The following ZBTB20 variants were observed in gnomAD, a reference collection of about 807,000 sequenced individuals.
The protein encoded by ZBTB20 is zinc finger and BTB domain containing 20, also known as zinc finger and BTB domain-containing protein 20.
In ZBTB20, 9 loss-of-function variants were observed where a neutral mutation model predicts 56.9. That is an observed-to-expected ratio of 0.16 (90% CI 0.10 to 0.28). The LOEUF (loss-of-function observed/expected upper bound fraction) is 0.28. Ranked by LOEUF, ZBTB20 falls within the 10% of genes least tolerant of loss-of-function variation. The probability of loss-of-function intolerance (pLI) is 1.00; values close to 1 mark genes in which losing one functional copy is unlikely to be tolerated. For synonymous variants in ZBTB20, 417 were observed against 420.7 expected (o/e 0.99, Z 0.11); for missense variants, 655 against 1,003.0 (o/e 0.65, Z 4.69).
intron 2 of ZBTB20, among the ~76,000 whole-genome samples, chr3:115,030,012 T>C (rs971073730): frequency 2.6e-5 from 4 of 151,080 alleles, no homozygotes; most frequent in African/African-American, 9.7e-5. Flanking sequence ...GAGTATCATA[T>C]AGCAGCTGAA....
intron 5 of ZBTB20, among the ~76,000 whole-genome samples, chr3:114,748,849 A>AG (rs1328119361): frequency 6.6e-6 from 1 of 152,206 alleles, no homozygotes; most frequent in Admixed American, 6.5e-5. Context: ...ATGCCTCATA[A>AG]GATAAACATA....
At chr3:114,719,756 T>C (rs1217207181) in intron 5 of ZBTB20, among the ~76,000 whole-genome samples, 1 of 152,146 alleles carries the variant, frequency 6.6e-6, no homozygotes, top group Non-Finnish European at 1.5e-5. Flanking sequence ...AAAATCCACA[T>C]GGCCAGAGAA....
At chr3:115,064,148 C>T (rs1323372919) in intron 2 of ZBTB20, among the ~76,000 whole-genome samples, 1 of 152,150 alleles carries the variant, frequency 6.6e-6, no homozygotes, top group Non-Finnish European at 1.5e-5. Flanking sequence ...TCTTCTAGCT[C>T]AAGTAAAGAC....
intron 3 of ZBTB20, among the ~76,000 whole-genome samples, chr3:114,949,448 TA>T (rs1194935362): frequency 6.8e-6 from 1 of 146,200 alleles, no homozygotes; most frequent in Non-Finnish European, 1.5e-5. Context: ...TGAAGTGCAT[TA>T]AAATAAAAAA....
At chr3:114,847,643 T>G (rs2074780931) in intron 4 of ZBTB20, among the ~76,000 whole-genome samples, 1 of 151,938 alleles carries the variant, frequency 6.6e-6, no homozygotes. Context: ...CTTTTTTTTC[T>G]GAGGTTTGCA....
At chr3:114,738,670 G>A (rs905805560) in intron 5 of ZBTB20, among the ~76,000 whole-genome samples, 8 of 152,022 alleles carry the variant, frequency 5.3e-5, no homozygotes, top group Admixed American at 2.0e-4. Context: ...ATAAAAAACA[G>A]GACAAAACAA....
chr3:114,835,669 T>C (rs2074084989), intron 4 of ZBTB20, among the ~76,000 whole-genome samples: 1 of 152,166 alleles, frequency 6.6e-6, no homozygotes. Context: ...ATTTTAGTAT[T>C]TGAGAATCAG....
chr3:114,592,041 A>C lies in ZBTB20; in HGVS notation c.-294-91650T>G, dbSNP rs1166986178. Among the ~76,000 whole-genome samples the C allele has an allele frequency of 2.6e-5, 4 of 152,122 alleles. No individual in the cohort carries two copies. In the East Asian group the frequency reaches 7.7e-4, roughly 29 times the overall value. On this transcript the variant is annotated intron_variant, in intron 6 of 11. Transcript: ENST00000675478. ...TGCCTCTAACAATAATTTAGAATAC[A>C]CTGAATTTGCCAATATTGGAAAACA...
Position 114,350,438 on chromosome 3 carries a change from A to T in ZBTB20, c.1640T>A (p.Leu547Gln), listed in dbSNP as rs1333227827. 2 of 1,613,994 alleles carry T rather than the reference A, an allele frequency of 1.2e-6. No individual in the cohort carries two copies. The highest frequency in any genetic ancestry group is 2.2e-5 in the South Asian group (2 of 91,066). ...TGGCAGCTGTGCAGTAAAGGTCGAC[A>T]GACCGGGCTGGGACACTGTCACAAA... ...TQFVTVSQPG[L>Q]STFTAQLPAP... is the part of the protein sequence containing the mutation. Residue 547 changes from leucine (L) to glutamine (Q), a missense_variant, in exon 11 of 12, where the codon CTG becomes CAG. Leu to Gln is a moderately radical substitution (Grantham distance 113, BLOSUM62 -2). This residue lies in a region of ZBTB20 where 71 missense variants were observed against 89.4 expected (regional missense o/e 0.79). Coordinates refer to ENST00000675478, the MANE Select transcript of ZBTB20 (RefSeq NM_001348800.3).
At chr3:114,719,201 A>C (rs932949687) in intron 5 of ZBTB20, among the ~76,000 whole-genome samples, 13 of 151,366 alleles carry the variant, frequency 8.6e-5, no homozygotes, top group African/African-American at 2.9e-4. Flanking sequence ...AGGGGGGGGA[A>C]ATAGAAGCAA....
chr3:115,102,423 G>C (rs2083611248), intron 1 of ZBTB20: 1 of 151,972 alleles, frequency 6.6e-6, no homozygotes, highest in Non-Finnish European at 1.5e-5. Context: ...AATGTATTAA[G>C]AAAAATGTCA....
intron 5 of ZBTB20, among the ~76,000 whole-genome samples, chr3:114,795,104 G>T (rs541032164): frequency 7.3e-5 from 11 of 151,234 alleles, no homozygotes; most frequent in Non-Finnish European, 1.5e-4. Flanking sequence ...TATCTTAGAA[G>T]GTTGTCAGAG....
intron 7 of ZBTB20, among the ~76,000 whole-genome samples, chr3:114,475,844 T>C (rs1440899285): frequency 6.6e-6 from 1 of 152,186 alleles, no homozygotes; most frequent in Non-Finnish European, 1.5e-5. Flanking sequence ...TAGTTCAAGA[T>C]AACAACCCTG....
chr3:115,090,060 A>C (rs1344417064), intron 1 of ZBTB20, among the ~76,000 whole-genome samples: 1 of 151,836 alleles, frequency 6.6e-6, no homozygotes, highest in Non-Finnish European at 1.5e-5. Flanking sequence ...AGTTTTTGCA[A>C]AATATGGAAG....
chr3:114,748,286 CTTT>C (rs1560201628), intron 5 of ZBTB20, among the ~76,000 whole-genome samples: 20 of 95,580 alleles, frequency 2.1e-4, no homozygotes, highest in Non-Finnish European at 4.0e-4. Flanking sequence ...TAGCTTCTTT[CTTT>C]CTTTCTTTCT....
chr3:114,988,296 G>A (rs752355282), intron 2 of ZBTB20, among the ~76,000 whole-genome samples: 7 of 127,584 alleles, frequency 5.5e-5, no homozygotes, highest in South Asian at 2.7e-4. Context: ...TTCCCCTTCC[G>A]GTGTCCACGT....
chr3:114,337,914 T>G lies in ZBTB20; in HGVS notation c.*1091A>C, dbSNP rs896856799. The G allele has an allele frequency of 2.1e-5, 3 of 144,324 alleles. No individual in the cohort carries two copies. The highest frequency in any genetic ancestry group is 6.9e-5 in the Admixed American group (1 of 14,418). The allele number at this position is 144,324 out of a possible 1,614,324, so 8.9% of individuals were successfully genotyped here. ...ACTTTTAACAATTTCACTTTTTTTG[T>G]TTTTTTTTTTACACAAATACTGTTG... is the stretch of plus-strand genomic sequence containing the variant. On this transcript the variant is annotated 3_prime_UTR_variant, in exon 12 of 12. Transcript: ENST00000675478.
intron 5 of ZBTB20, among the ~76,000 whole-genome samples, chr3:114,749,160 T>TTA (rs1331392807): frequency 6.6e-6 from 1 of 152,200 alleles, no homozygotes; most frequent in East Asian, 1.9e-4. Context: ...TTGCCTATAC[T>TTA]TATGTACCTT....
At chr3:114,651,837 T>C (rs996846387) in intron 6 of ZBTB20, among the ~76,000 whole-genome samples, 2 of 152,060 alleles carry the variant, frequency 1.3e-5, no homozygotes, top group Non-Finnish European at 2.9e-5. Flanking sequence ...ACCTTGAACA[T>C]TCTCCAGATT....
Sources: gnomAD v4.1 joint callset for allele counts (sites outside exome capture counted in the v4.1 genomes callset) on GRCh38, gnomAD v4.1.1 for gene constraint, gnomAD v4.1.1 regional missense constraint, MANE v1.5 for transcripts, NCBI Gene and HGNC (gene_info 2026-07-23, HGNC 2026-07-21) for gene names.